RNF111: variants seen among roughly 807,000 people sequenced by gnomAD.
RNF111 encodes the protein ring finger protein 111, also known as E3 ubiquitin-protein ligase Arkadia.
Under a neutral mutation model 95.1 loss-of-function variants are expected in RNF111, and 17 were observed. That is an observed-to-expected ratio of 0.18 (90% CI 0.12 to 0.27). RNF111 has a LOEUF of 0.27. RNF111 is among the 10% of genes least tolerant of loss of function. The pLI is 1.00. For synonymous variants in RNF111, 440 were observed against 414.8 expected (o/e 1.06, Z -0.74); for missense variants, 1,189 against 1,210.4 (o/e 0.98, Z 0.26).
At chr15:59,040,203 C>T (rs1441799033) in intron 2 of RNF111, among the ~76,000 whole-genome samples, 1 of 151,912 alleles carries the variant, frequency 6.6e-6, no homozygotes, top group Non-Finnish European at 1.5e-5. Flanking sequence ...GCAGACTTGA[C>T]CTCCTGGGCT....
At chr15:59,047,776 A>G (rs996727142) in intron 2 of RNF111, among the ~76,000 whole-genome samples, 1 of 151,810 alleles carries the variant, frequency 6.6e-6, no homozygotes, top group African/African-American at 2.4e-5. Flanking sequence ...GTTTTTCGCC[A>G]TGTTGCCCAG....
intron 1 of RNF111, among the ~76,000 whole-genome samples, chr15:58,995,764 C>CTTTTTTTTTTTTTTTTTTTTTT: frequency 1.0e-5 from 1 of 99,530 alleles, no homozygotes; most frequent in Non-Finnish European, 1.9e-5. Context: ...GTGCCCCGGC[C>CTTTTTTTTTTTTTTTTTTTTTT]TTTTTTTTTT....
intron 5 of RNF111, among the ~76,000 whole-genome samples, chr15:59,060,741 T>C (rs1412767050): frequency 6.6e-6 from 1 of 152,126 alleles, no homozygotes; most frequent in African/African-American, 2.4e-5. Context: ...AGGCAGGGAT[T>C]TGACTTCTCA....
At chr15:59,012,003 CTTTTTTTTTTTTTTTTTTTT>C (rs71425836) in intron 1 of RNF111, among the ~76,000 whole-genome samples, 1 of 40,436 alleles carries the variant, frequency 2.5e-5, no homozygotes, top group Non-Finnish European at 4.5e-5. Context: ...GTTTGTTTGC[CTTTTTTTTTTTTTTTTTTTT>C]TTTTTTTTTG....
chr15:59,029,168 A>G (rs772856000), intron 1 of RNF111, among the ~76,000 whole-genome samples: 5 of 151,722 alleles, frequency 3.3e-5, no homozygotes, highest in South Asian at 2.1e-4. Context: ...GAGGGTTCCA[A>G]TGTTTTTTTT....
intron 6 of RNF111, among the ~76,000 whole-genome samples, chr15:59,069,654 G>T (rs1014673704): frequency 3.9e-5 from 6 of 152,234 alleles, no homozygotes; most frequent in Admixed American, 3.3e-4. Context: ...ATTCAGTGGT[G>T]ATAATGGATT....
At chr15:59,060,771 G>A (rs1158391132) in intron 5 of RNF111, among the ~76,000 whole-genome samples, 1 of 150,876 alleles carries the variant, frequency 6.6e-6, no homozygotes, top group African/African-American at 2.4e-5. Context: ...GTCTCCTGTT[G>A]TAGCTTTATG....
At chr15:59,050,860 T>G (rs1407623653) in intron 2 of RNF111, among the ~76,000 whole-genome samples, 2 of 152,216 alleles carry the variant, frequency 1.3e-5, no homozygotes, top group African/African-American at 2.4e-5. Flanking sequence ...TGTTGTGCAG[T>G]AAATTTCCAG....
chr15:59,039,144 A>G (rs1165338273), intron 2 of RNF111, among the ~76,000 whole-genome samples: 1 of 151,840 alleles, frequency 6.6e-6, no homozygotes, highest in Non-Finnish European at 1.5e-5. Context: ...TTTTATTTTT[A>G]GTAGAGATGA....
chr15:59,046,672 G>T (rs1350707626), intron 2 of RNF111, among the ~76,000 whole-genome samples: 1 of 152,094 alleles, frequency 6.6e-6, no homozygotes, highest in South Asian at 2.1e-4. Context: ...TTAGACAAAG[G>T]TTTCTTAAAT....
intron 2 of RNF111, among the ~76,000 whole-genome samples, chr15:59,042,413 A>T (rs137891101): frequency 1.5e-4 from 23 of 152,318 alleles, no homozygotes; most frequent in African/African-American, 4.8e-4. Flanking sequence ...GGCGTGAGCC[A>T]CTATGGCTGT....
At chr15:59,080,817 T>TA in intron 7 of RNF111, 119 bp from the exon 8 acceptor site, 2 of 793,184 alleles carry the variant, frequency 2.5e-6, no homozygotes, top group South Asian at 3.9e-5. Context: ...CTTTACTTGA[T>TA]AAAGTATTCA....
chr15:58,998,455 A>G (rs554300238), intron 1 of RNF111, among the ~76,000 whole-genome samples: 1 of 152,038 alleles, frequency 6.6e-6, no homozygotes, highest in African/African-American at 2.4e-5. Context: ...TTGTGTCCGT[A>G]TGTTCTTGGG....
intron 6 of RNF111, among the ~76,000 whole-genome samples, chr15:59,069,291 G>A (rs1186147170): frequency 6.6e-6 from 1 of 152,116 alleles, no homozygotes; most frequent in Admixed American, 6.5e-5. Flanking sequence ...TTGAATGAAA[G>A]GATCTGCTTG....
At chr15:59,020,108 T>C (rs1167678705) in intron 1 of RNF111, among the ~76,000 whole-genome samples, 1 of 148,580 alleles carries the variant, frequency 6.7e-6, no homozygotes, top group Non-Finnish European at 1.5e-5. Context: ...GATATAAATA[T>C]ATATTTCATA....
intron 2 of RNF111, among the ~76,000 whole-genome samples, chr15:59,037,015 T>A (rs1266884020): frequency 1.3e-5 from 2 of 151,864 alleles, no homozygotes; most frequent in Non-Finnish European, 2.9e-5. Context: ...TTTTTTTTTT[T>A]TGGTAGAGAC....
chr15:59,004,177 C>T (rs1392081176), intron 1 of RNF111: 3 of 1,162,970 alleles, frequency 2.6e-6, no homozygotes, highest in Non-Finnish European at 1.1e-6. Context: ...GTTTTAAGGT[C>T]TCAACTTTGT....
chr15:59,004,064 G>T, intron 1 of RNF111: 1 of 660,924 alleles, frequency 1.5e-6, no homozygotes, highest in Non-Finnish European at 2.0e-6. Flanking sequence ...CCGTAGCTGA[G>T]TTGATCTTTT....
chr15:59,071,405 G>A (rs917848891), intron 6 of RNF111, among the ~76,000 whole-genome samples: 1 of 152,040 alleles, frequency 6.6e-6, no homozygotes, highest in East Asian at 1.9e-4. Flanking sequence ...TTGGAAGGCA[G>A]TGCATAGTGG....
Sources: allele counts gnomAD v4.1 joint callset (sites outside exome capture counted in the v4.1 genomes callset), GRCh38; gene constraint gnomAD v4.1.1; transcripts MANE v1.5; gene names NCBI Gene and HGNC (gene_info 2026-07-23, HGNC 2026-07-21).